CIT: variants seen among roughly 807,000 people sequenced by gnomAD.
CIT encodes citron rho-interacting serine/threonine kinase.
In CIT, 79 loss-of-function variants were observed where a neutral mutation model predicts 272.7. The observed-to-expected ratio is 0.29, with a 90% CI of 0.24 to 0.35. CIT has a LOEUF of 0.35. Among genes scored for constraint, CIT ranks in the 10% least tolerant of loss-of-function variants. CIT has a pLI of 1.00. For missense variants in CIT, 1,909 were observed against 2,618.3 expected (o/e 0.73, Z 5.91); for synonymous variants, 948 against 995.6 (o/e 0.95, Z 0.90).
Position 119,690,462 on chromosome 12 carries a change from C to T in CIT, c.5883-8G>A. The T allele has an allele frequency of 6.3e-7, 1 of 1,578,160 alleles. No homozygotes were observed. The highest frequency in any genetic ancestry group is 1.1e-5 in the South Asian group (1 of 87,132). On this transcript the variant is annotated splice_polypyrimidine_tract_variant and splice_region_variant and intron_variant, in intron 46 of 47. Transcript: ENST00000392521. The surrounding 1 kb of genome is among the most constrained non-coding windows in gnomAD (Gnocchi z 6.0). ...CCTCGCTTGTTGGGGCTGCTGGCGA[C>T]ACAAGAGGAACGTAGGGAGCTGCGA...
Position 119,694,593 on chromosome 12 carries a change from C to T in CIT, c.5882+3066G>A, listed in dbSNP as rs1357734877. Reference sequence around the variant, plus strand: ...CCAGGGCAGGCAAATTGCTTGAGCCCAGGAGTTCAAGACCAGCCTGGGCAA... The same window carrying T: ...CCAGGGCAGGCAAATTGCTTGAGCCTAGGAGTTCAAGACCAGCCTGGGCAA... On this transcript the variant is annotated intron_variant, in intron 46 of 47. Transcript: ENST00000392521. The surrounding 1 kb of genome is among the most constrained non-coding windows in gnomAD (Gnocchi z 4.5). 1.3e-5 allele frequency among the ~76,000 whole-genome samples: 2 copies of T among 152,082 alleles called. No individual in the cohort carries two copies. The highest frequency in any genetic ancestry group is 4.8e-5 in the African/African-American group (2 of 41,404).
chr12:119,850,718 G>A (rs746742101), intron 4 of CIT, among the ~76,000 whole-genome samples: 1 of 152,096 alleles, frequency 6.6e-6, no homozygotes, highest in Non-Finnish European at 1.5e-5. Context: ...ATTCACTGGT[G>A]TGGAACAAGG....
chr12:119,751,002 T>G (rs1488519967), intron 23 of CIT, among the ~76,000 whole-genome samples: 1 of 152,040 alleles, frequency 6.6e-6, no homozygotes, highest in Non-Finnish European at 1.5e-5. Context: ...CCCAATCAGC[T>G]GTATTGTGAC....
intron 16 of CIT, among the ~76,000 whole-genome samples, chr12:119,774,833 G>A (rs1219442729): frequency 6.6e-6 from 1 of 152,038 alleles, no homozygotes; most frequent in Non-Finnish European, 1.5e-5. Flanking sequence ...AATCAGCTGG[G>A]TGTAGTGGTG....
intron 26 of CIT, among the ~76,000 whole-genome samples, chr12:119,732,903 T>C (rs1419289770): frequency 6.6e-6 from 1 of 152,234 alleles, no homozygotes; most frequent in Non-Finnish European, 1.5e-5. Flanking sequence ...GGGCACACAC[T>C]AGCCCATATC....
intron 24 of CIT, among the ~76,000 whole-genome samples, chr12:119,740,723 G>A (rs576446297): frequency 1.5e-4 from 23 of 152,126 alleles, no homozygotes; most frequent in Admixed American, 5.2e-4. Context: ...GATCATTCAC[G>A]CGCATGTATG....
rs576820123 is a variant in CIT at position 119,821,907 on chromosome 12, GAAACC to G, written c.1111+908_1111+912del. Among the ~76,000 whole-genome samples, 341 of 152,288 alleles carry G rather than the reference GAAACC, an allele frequency of 2.2e-3. 1 individual carries two copies. The highest frequency in any genetic ancestry group is 7.8e-3 in the African/African-American group (324 of 41,572). On this transcript the variant is annotated intron_variant, in intron 9 of 47. Coordinates refer to ENST00000392521, the MANE Select transcript of CIT (RefSeq NM_001206999.2). ...TTAAATATTTCAGCAGAAGGTTAGAGAAACCATCAAAATGGTTTACAACTGGACAA... is the reference window on the plus strand; with the variant it reads ...TTAAATATTTCAGCAGAAGGTTAGAGATCAAAATGGTTTACAACTGGACAA...
chr12:119,822,781 A>G, intron 9 of CIT, 39 bp downstream of exon 9: 3 of 1,608,182 alleles, frequency 1.9e-6, no homozygotes, highest in Non-Finnish European at 2.6e-6. Flanking sequence ...GTGTTTCATA[A>G]TCCCAACATC....
At chr12:119,832,722 AAT>A in intron 7 of CIT, 47 bp downstream of exon 7, 1 of 1,467,948 alleles carries the variant, frequency 6.8e-7, no homozygotes, top group Non-Finnish European at 9.5e-7. Context: ...GAGGACCAAG[AAT>A]ACTTTTTAGT....
Position 119,710,424 on chromosome 12 carries a change from G to A in CIT, c.4936-38C>T, listed in dbSNP as rs182606802. The A allele has an allele frequency of 3.0e-5, 49 of 1,613,536 alleles. No homozygotes were observed. In the Admixed American group the frequency reaches 5.5e-4, roughly 18 times the overall value. ...AAGTCCGAAGGCAGAACATAAGCAC[G>A]GTCACGTCACCAGAACAATCTCTAG... On this transcript the variant is annotated intron_variant, in intron 38 of 47. Transcript: ENST00000392521. This position sits in a 1 kb window ranked among gnomAD's most constrained non-coding sequence, Gnocchi z 5.6.
At chr12:119,790,906 G>A (rs186327420) in intron 10 of CIT, among the ~76,000 whole-genome samples, 1 of 152,332 alleles carries the variant, frequency 6.6e-6, no homozygotes, top group African/African-American at 2.4e-5. Context: ...CAATCTAGGA[G>A]AGAGAATTAA....
At chr12:119,813,032 C>T (rs571600990) in intron 9 of CIT, among the ~76,000 whole-genome samples, 1 of 152,336 alleles carries the variant, frequency 6.6e-6, no homozygotes, top group Non-Finnish European at 1.5e-5. Flanking sequence ...ATCAGGCCCC[C>T]TGTTGTGGCA....
chr12:119,782,438 CT>C, intron 13 of CIT, 79 bp downstream of exon 13: 1 of 1,523,310 alleles, frequency 6.6e-7, no homozygotes, highest in Non-Finnish European at 9.0e-7. Context: ...CTTCCTATTT[CT>C]CTCTCAAACA....
At position 119,825,105 on chromosome 12, in the gene CIT, C is replaced by T. The variant is rs1362332189; in HGVS notation, c.957+60G>A. ...ATGAGCCACCACGCCCAGCCTCATT[C>T]GCACAATTTTTAAATAACGTTTCTC... On this transcript the variant is annotated intron_variant, in intron 8 of 47. Transcript: ENST00000392521. 2.4e-5 allele frequency: 36 copies of T among 1,495,564 alleles called. No individual in the cohort carries two copies. The South Asian group carries it at 3.3e-4, about 14-fold the overall frequency. The allele number at this position is 1,495,564 out of a possible 1,614,324, so 92.6% of individuals were successfully genotyped here. A position where few individuals can be genotyped will look rare whatever the true frequency, so the allele number is the denominator to read the frequency against.
intron 3 of CIT, among the ~76,000 whole-genome samples, chr12:119,858,424 C>G (rs1323990768): frequency 6.6e-6 from 1 of 150,724 alleles, no homozygotes; most frequent in African/African-American, 2.4e-5. Context: ...GGCTGAGGCA[C>G]AAGAATCACT....
intron 13 of CIT, 127 bp from the exon 14 acceptor site, chr12:119,776,969 A>C (rs1593701667): frequency 9.3e-7 from 1 of 1,071,806 alleles, no homozygotes; most frequent in East Asian, 2.4e-5. Context: ...CAAAGAAAAG[A>C]CCTGGCCAGG....
chr12:119,784,993 T>TG lies in CIT; in HGVS notation c.1367_1368insC (p.Lys456AsnfsTer32), dbSNP rs1566040487. 1 of 1,614,190 alleles carries TG rather than the reference T, an allele frequency of 6.2e-7. No individual in the cohort carries two copies. The highest frequency in any genetic ancestry group is 1.7e-5 in the Admixed American group (1 of 60,032). On this transcript the variant is annotated frameshift_variant, in exon 11 of 48. Transcript: ENST00000392521. LOFTEE classifies it high-confidence loss of function. This position sits in a 1 kb window ranked among gnomAD's most constrained non-coding sequence, Gnocchi z 4.7. ...ACTTGTCCTGAGAGTCTTGTAGCTC[T>TG]TTGCTTTTGATGAGAAGTTTCTTTT...
intron 24 of CIT, among the ~76,000 whole-genome samples, chr12:119,736,811 T>C (rs1958789417): frequency 6.6e-6 from 1 of 152,220 alleles, no homozygotes; most frequent in South Asian, 2.1e-4. Context: ...CTCCTTCCTG[T>C]ACGTAGTAAA....
At chr12:119,832,937 A>C in intron 6 of CIT, 73 bp from the exon 7 acceptor site, 1 of 1,074,706 alleles carries the variant, frequency 9.3e-7, no homozygotes, top group Non-Finnish European at 1.4e-6. Flanking sequence ...TAGAATCTCA[A>C]TTGAGCCAAA....
Sources: allele counts gnomAD v4.1 joint callset (sites outside exome capture counted in the v4.1 genomes callset), GRCh38; gene constraint gnomAD v4.1.1; non-coding constraint Gnocchi (gnomAD v3.1); transcripts MANE v1.5; gene names NCBI Gene and HGNC (gene_info 2026-07-23, HGNC 2026-07-21).